PPARGC1B: variants seen among roughly 807,000 people sequenced by gnomAD.
PPARGC1B encodes the protein peroxisome proliferator-activated receptor gamma coactivator 1-beta.
In PPARGC1B, 34 loss-of-function variants were observed where a neutral mutation model predicts 101.6. That is an observed-to-expected ratio of 0.33 (90% CI 0.25 to 0.45). The LOEUF is 0.45. PPARGC1B is among the 20% of genes least tolerant of loss of function. The probability of loss-of-function intolerance (pLI) is 1.00; values close to 1 mark genes in which losing one functional copy is unlikely to be tolerated. For missense variants in PPARGC1B, 1,234 were observed against 1,317.6 expected (o/e 0.94, Z 0.98); for synonymous variants, 548 against 539.3 (o/e 1.02, Z -0.22).
chr5:149,847,669 A>G lies in PPARGC1B; in HGVS notation c.*111A>G. ...TGAGGAGAGCGAGCGAGCGTGAGAG[A>G]ACACCCGTGAGAGAGACTTGAAACT... On this transcript the variant is annotated 3_prime_UTR_variant, in exon 12 of 12. Coordinates refer to ENST00000309241, the MANE Select transcript of PPARGC1B (RefSeq NM_133263.4). The G allele has an allele frequency of 1.3e-6, 1 of 770,260 alleles. No homozygotes were observed. The highest frequency in any genetic ancestry group is 2.2e-6 in the Non-Finnish European group (1 of 459,874). The allele number at this position is 770,260 out of a possible 1,614,324, so 47.7% of individuals were successfully genotyped here. A position where few individuals can be genotyped will look rare whatever the true frequency, so the allele number is the denominator to read the frequency against.
At chr5:149,772,839 G>A (rs1048941608) in intron 1 of PPARGC1B, among the ~76,000 whole-genome samples, 3 of 152,154 alleles carry the variant, frequency 2.0e-5, no homozygotes, top group Admixed American at 6.5e-5. Context: ...ACTGGGTGGC[G>A]GTGGTGGTGA....
chr5:149,829,260 C>G (rs1246802450), intron 3 of PPARGC1B, among the ~76,000 whole-genome samples: 1 of 152,158 alleles, frequency 6.6e-6, no homozygotes, highest in Non-Finnish European at 1.5e-5. Context: ...CTCTCTGCCC[C>G]TGCTCATTAC....
At chr5:149,831,168 G>A (rs757022164) in intron 4 of PPARGC1B, among the ~76,000 whole-genome samples, 1 of 152,208 alleles carries the variant, frequency 6.6e-6, no homozygotes, top group Non-Finnish European at 1.5e-5. Flanking sequence ...TCAGAGGACT[G>A]TATTCCAACA....
chr5:149,799,094 G>A (rs1757334812), intron 1 of PPARGC1B, among the ~76,000 whole-genome samples: 1 of 151,670 alleles, frequency 6.6e-6, no homozygotes, highest in African/African-American at 2.4e-5. Context: ...GGACTGTGAA[G>A]GGTGGAGAAT....
intron 1 of PPARGC1B, among the ~76,000 whole-genome samples, chr5:149,819,931 A>G (rs1042671802): frequency 6.6e-6 from 1 of 152,220 alleles, no homozygotes; most frequent in Non-Finnish European, 1.5e-5. Context: ...ATGTAATTTT[A>G]GACATTACAT....
chr5:149,836,912 CGAT>C lies in PPARGC1B; in HGVS notation c.2460_2462del (p.Asp820del), dbSNP rs770298839. 101 of 1,613,482 alleles carry C rather than the reference CGAT, an allele frequency of 6.3e-5. 3 individuals carry two copies. The South Asian group carries it at 1.1e-3, about 18-fold the overall frequency. On this transcript the variant is annotated inframe_deletion, in exon 8 of 12. Transcript: ENST00000309241. ...AAGAAGGGGAGGAGGAGGAGGAGGA[CGAT>C]GAAGAAGAGGACTCAGGGGTCAGCC...
chr5:149,760,320 C>T (rs1755673323), intron 1 of PPARGC1B, among the ~76,000 whole-genome samples: 1 of 152,152 alleles, frequency 6.6e-6, no homozygotes, highest in Non-Finnish European at 1.5e-5. Flanking sequence ...CCGCAGTGCT[C>T]CTGAAACCAG....
intron 1 of PPARGC1B, among the ~76,000 whole-genome samples, chr5:149,745,305 G>C (rs771295084): frequency 5.3e-5 from 8 of 152,126 alleles, no homozygotes; most frequent in Non-Finnish European, 8.8e-5. Flanking sequence ...TACCTGCCAG[G>C]CTTGGTAGAA....
At chr5:149,733,839 C>T (rs1007825344) in intron 1 of PPARGC1B, among the ~76,000 whole-genome samples, 2 of 151,910 alleles carry the variant, frequency 1.3e-5, no homozygotes, top group Non-Finnish European at 2.9e-5. Flanking sequence ...GAGTTGGCAG[C>T]GGGAATGTTA....
intron 6 of PPARGC1B, 89 bp downstream of exon 6, chr5:149,834,799 G>C (rs367760532): frequency 2.5e-6 from 3 of 1,197,988 alleles, no homozygotes; most frequent in Non-Finnish European, 3.7e-6. Context: ...ATTCATCAGC[G>C]CCCACCCCTG....
At chr5:149,787,943 T>G (rs551735495) in intron 1 of PPARGC1B, among the ~76,000 whole-genome samples, 1 of 152,346 alleles carries the variant, frequency 6.6e-6, no homozygotes, top group South Asian at 2.1e-4. Flanking sequence ...ATTAAAGACT[T>G]AAATGTTAGA....
intron 1 of PPARGC1B, among the ~76,000 whole-genome samples, chr5:149,793,414 GCTGTTTAAAAGAAGGCCCTTATA>G (rs1352830883): frequency 3.9e-5 from 6 of 152,122 alleles, no homozygotes; most frequent in African/African-American, 1.4e-4. Flanking sequence ...ATCCCAGTGT[GCTGTTTAAAAGAAGGCCCTTATA>G]CTGCCTCCCT....
At chr5:149,809,493 G>GATAGATAGATAGATCCATCTCTACC (rs1757759866) in intron 1 of PPARGC1B, among the ~76,000 whole-genome samples, 5 of 89,360 alleles carry the variant, frequency 5.6e-5, no homozygotes, top group African/African-American at 1.7e-4. Flanking sequence ...TAGATAGATA[G>GATAGATAGATAGATCCATCTCTACC]ATAGATAGAT....
chr5:149,825,744 C>T (rs751720518), intron 2 of PPARGC1B, among the ~76,000 whole-genome samples: 2 of 152,164 alleles, frequency 1.3e-5, no homozygotes, highest in Non-Finnish European at 2.9e-5. Flanking sequence ...CAGCGTCCAG[C>T]ATGAAGCCAG....
At chr5:149,831,747 C>A (rs1758791469) in intron 4 of PPARGC1B, among the ~76,000 whole-genome samples, 1 of 152,178 alleles carries the variant, frequency 6.6e-6, no homozygotes, top group Non-Finnish European at 1.5e-5. Context: ...AACGATGAGT[C>A]ACACTTGGGG....
At chr5:149,819,595 C>T (rs901431604) in intron 1 of PPARGC1B, among the ~76,000 whole-genome samples, 49 of 152,144 alleles carry the variant, frequency 3.2e-4, no homozygotes, top group African/African-American at 1.1e-3. Flanking sequence ...GTCCGCCTCC[C>T]GGGCTCAAGT....
At chr5:149,773,083 G>A (rs934083279) in intron 1 of PPARGC1B, among the ~76,000 whole-genome samples, 1 of 152,190 alleles carries the variant, frequency 6.6e-6, no homozygotes. Context: ...TTCTGCCCGT[G>A]TACCAGCTCT....
chr5:149,755,075 T>TAA (rs1755468404), intron 1 of PPARGC1B, among the ~76,000 whole-genome samples: 1 of 106,112 alleles, frequency 9.4e-6, no homozygotes, highest in Non-Finnish European at 1.8e-5. Context: ...ATATATATAA[T>TAA]TTTTTTTTCT....
chr5:149,834,681 C>A lies in PPARGC1B; in HGVS notation c.1713C>A (p.Pro571=). 1 of 1,613,322 alleles carries A rather than the reference C, an allele frequency of 6.2e-7. No homozygotes were observed. The highest frequency in any genetic ancestry group is 8.5e-7 in the Non-Finnish European group (1 of 1,179,280). ...SCPQLPPRDS[P]RCLMLALSQS... is the part of the protein sequence containing the mutation. The stretch of plus-strand genomic sequence containing the variant: ...TCTGTGTCTTCTTTTCAGACTCTCC[C>A]AGGTGCCTCATGCTGGCCTTGTCAC... The change falls in exon 6 of 12, where the codon CCC becomes CCA. Residue 571 remains proline (P), a synonymous_variant. Coordinates refer to ENST00000309241, the MANE Select transcript of PPARGC1B (RefSeq NM_133263.4).
Sources: gnomAD v4.1 joint callset for allele counts (sites outside exome capture counted in the v4.1 genomes callset) on GRCh38, gnomAD v4.1.1 for gene constraint, MANE v1.5 for transcripts, NCBI Gene and HGNC (gene_info 2026-07-23, HGNC 2026-07-21) for gene names.